CREBRF: variants seen among roughly 807,000 people sequenced by gnomAD.
CREBRF encodes the protein CREB3 regulatory factor.
A neutral mutation model predicts 66.1 loss-of-function variants in CREBRF; 5 were observed. The ratio of observed to expected loss-of-function variants is 0.08; its 90% CI spans 0.04 to 0.16. CREBRF has a LOEUF of 0.16. Among genes scored for constraint, CREBRF ranks in the 10% least tolerant of loss-of-function variants. CREBRF has a pLI of 1.00. For synonymous variants in CREBRF, 229 were observed against 264.4 expected (o/e 0.87, Z 1.30); for missense variants, 531 against 744.9 (o/e 0.71, Z 3.34).
At chr5:173,115,955 G>A (rs375606227) in intron 7 of CREBRF, among the ~76,000 whole-genome samples, 84 of 152,298 alleles carry the variant, frequency 5.5e-4, no homozygotes, top group African/African-American at 1.9e-3. Flanking sequence ...CTCTTCAACT[G>A]CAGTTTAGAT....
Position 173,091,196 on chromosome 5 carries a change from T to C in CREBRF, c.1017T>C (p.Leu339=), listed in dbSNP as rs1561804628. Residue 339 remains leucine, a synonymous_variant, in exon 4 of 9, where the codon CTT becomes CTC. Coordinates refer to ENST00000296953, the MANE Select transcript of CREBRF (RefSeq NM_153607.3). The stretch of plus-strand genomic sequence containing the variant: ...AAAAAGAAGAGCACAATTATTCTCT[T>C]TTTGTCTCCGACAACTTGGGTGAAC... ...SQKKEEHNYS[L]FVSDNLGEQP... is the part of the protein sequence containing the mutation. The C allele has an allele frequency of 6.2e-7, 1 of 1,614,070 alleles. No individual in the cohort carries two copies. The highest frequency in any genetic ancestry group is 1.7e-5 in the Admixed American group (1 of 59,982).
At chr5:173,120,407 TCTCA>T (rs1435591281) in intron 7 of CREBRF, among the ~76,000 whole-genome samples, 1 of 151,444 alleles carries the variant, frequency 6.6e-6, no homozygotes, top group Non-Finnish European at 1.5e-5. Context: ...TGAGACAGTA[TCTCA>T]CTCTGTTGCT....
intron 1 of CREBRF, among the ~76,000 whole-genome samples, chr5:173,069,718 A>G (rs1272776586): frequency 2.0e-5 from 3 of 152,148 alleles, no homozygotes; most frequent in African/African-American, 7.2e-5. Flanking sequence ...CCAAAGTGGC[A>G]CCGAGCTTTT....
chr5:173,103,482 A>G (rs1424543412), intron 4 of CREBRF, among the ~76,000 whole-genome samples: 2 of 152,230 alleles, frequency 1.3e-5, no homozygotes, highest in African/African-American at 2.4e-5. Context: ...CAAAAGAGTA[A>G]GGATAGCTAT....
rs892118914 is a variant in CREBRF, at chr5:173,108,712, T to C, written c.1311T>C (p.Tyr437=). 6.2e-6 allele frequency: 10 copies of C among 1,613,982 alleles called. No individual in the cohort carries two copies. Among genetic ancestry groups the C allele is most frequent in the Non-Finnish European group, 8.5e-6 (10 of 1,179,998 alleles). Residue 437 remains tyrosine (Y), a synonymous_variant, in exon 5 of 9, where the codon TAT becomes TAC. Coordinates refer to ENST00000296953, the MANE Select transcript of CREBRF (RefSeq NM_153607.3). ...KRGKRRYFWE[Y]SEQLTPSQQE... Reference sequence around the variant, plus strand: ...GTAAAAGAAGATACTTCTGGGAGTATAGTGAACAACTTACACCATCACAGC... The same window carrying C: ...GTAAAAGAAGATACTTCTGGGAGTACAGTGAACAACTTACACCATCACAGC...
chr5:173,108,608 G>C lies in CREBRF; in HGVS notation c.1223-16G>C, dbSNP rs766434353. The C allele has an allele frequency of 6.3e-7, 1 of 1,593,540 alleles. No homozygotes were observed. The highest frequency in any genetic ancestry group is 1.2e-5 in the South Asian group (1 of 86,030). ...GAAATTTATGGAGCTTAAAAATTGC[G>C]GGACCTTTTTTTAAGGCTATGAAAA... On this transcript the variant is annotated splice_polypyrimidine_tract_variant and intron_variant, in intron 4 of 8. Coordinates refer to ENST00000296953, the MANE Select transcript of CREBRF (RefSeq NM_153607.3).
At chr5:173,091,438 T>C (rs1377370854) in intron 4 of CREBRF, 37 bp downstream of exon 4, 13 of 1,575,550 alleles carry the variant, frequency 8.3e-6, no homozygotes, top group Non-Finnish European at 1.0e-5. Flanking sequence ...GACTGACCTT[T>C]GTATTACTAT....
chr5:173,125,708 CA>C (rs11331684), intron 8 of CREBRF, among the ~76,000 whole-genome samples: 73,888 of 151,502 alleles, frequency 0.49, 19,126 homozygotes, highest in Non-Finnish European at 0.58. Flanking sequence ...ACTAAAAATA[CA>C]AAAAAAAAGC....
At chr5:173,112,465 G>A (rs969779866) in intron 7 of CREBRF, 86 bp downstream of exon 7, 18 of 930,790 alleles carry the variant, frequency 1.9e-5, no homozygotes, top group Non-Finnish European at 2.6e-5. Flanking sequence ...ATTTGCTTTC[G>A]CTGTATTCTG....
intron 4 of CREBRF, among the ~76,000 whole-genome samples, chr5:173,095,914 A>G (rs1030483327): frequency 6.6e-6 from 1 of 151,378 alleles, no homozygotes; most frequent in African/African-American, 2.4e-5. Flanking sequence ...TTGAATAATG[A>G]TTTTGTATCC....
chr5:173,098,311 T>C (rs1223776705), intron 4 of CREBRF, among the ~76,000 whole-genome samples: 2 of 151,914 alleles, frequency 1.3e-5, no homozygotes, highest in Non-Finnish European at 2.9e-5. Context: ...CTCAGCCTCC[T>C]GAGTAGCTGG....
intron 4 of CREBRF, among the ~76,000 whole-genome samples, chr5:173,099,659 G>T (rs908760855): frequency 1.3e-5 from 2 of 151,810 alleles, no homozygotes; most frequent in Non-Finnish European, 2.9e-5. Flanking sequence ...TGATTTGCTG[G>T]TTTTTTGTAG....
At position 173,133,878 on chromosome 5, in the gene CREBRF, AAGT is replaced by A; in HGVS notation, c.*136_*138del. ...ATTAGGTTACATTGTTTTAAGAACTAAGTAGCATAAGTGAAGCATGATCCAAAA... is the reference window on the plus strand; with the variant it reads ...ATTAGGTTACATTGTTTTAAGAACTAAGCATAAGTGAAGCATGATCCAAAA... On this transcript the variant is annotated 3_prime_UTR_variant, in exon 9 of 9. Coordinates refer to ENST00000296953, the MANE Select transcript of CREBRF (RefSeq NM_153607.3). The A allele has an allele frequency of 1.9e-6, 1 of 523,184 alleles. No individual in the cohort carries two copies. Among genetic ancestry groups the A allele is most frequent in the South Asian group, 2.7e-5 (1 of 36,526 alleles). 32.4% of individuals were successfully genotyped at this position (523,184 alleles called of 1,614,324 possible).
At chr5:173,112,736 A>G (rs1370042075) in intron 7 of CREBRF, among the ~76,000 whole-genome samples, 1 of 152,182 alleles carries the variant, frequency 6.6e-6, no homozygotes, top group Admixed American at 6.5e-5. Context: ...GATCACAATA[A>G]TTTCTTCTAT....
intron 2 of CREBRF, among the ~76,000 whole-genome samples, chr5:173,081,627 A>G (rs1165610405): frequency 6.6e-6 from 1 of 152,120 alleles, no homozygotes; most frequent in Non-Finnish European, 1.5e-5. Flanking sequence ...TAGATATTGA[A>G]AAGACCAGCG....
At chr5:173,074,319 G>GCTT (rs1397616977) in intron 1 of CREBRF, among the ~76,000 whole-genome samples, 3 of 148,070 alleles carry the variant, frequency 2.0e-5, no homozygotes, top group African/African-American at 7.4e-5. Context: ...AAAAAAAAAG[G>GCTT]CTTCTTCCTT....
At chr5:173,092,373 G>C (rs1045554256) in intron 4 of CREBRF, 7 of 985,322 alleles carry the variant, frequency 7.1e-6, no homozygotes, top group Non-Finnish European at 8.4e-6. Flanking sequence ...TAAATAAAAG[G>C]GACAAAGAAA....
chr5:173,134,460 C>A lies in CREBRF; in HGVS notation c.*715C>A. The A allele has an allele frequency of 4.4e-6, 1 of 227,398 alleles. No homozygotes were observed. Among genetic ancestry groups the A allele is most frequent in the Non-Finnish European group, 9.0e-6 (1 of 111,360 alleles). 14.1% of individuals were successfully genotyped at this position (227,398 alleles called of 1,614,324 possible). On this transcript the variant is annotated 3_prime_UTR_variant, in exon 9 of 9. Transcript: ENST00000296953. ...TATGGGGTTTAAATGTTTTTTTGTT[C>A]CAACTCTTTTTCAGATTTTTTGAAT...
chr5:173,108,492 T>G, intron 4 of CREBRF, 132 bp from the exon 5 acceptor site: 1 of 728,258 alleles, frequency 1.4e-6, no homozygotes, highest in Non-Finnish European at 2.3e-6. Flanking sequence ...TGGTTTATTA[T>G]CTTTGACATG....
Sources: gnomAD v4.1 joint callset for allele counts (sites outside exome capture counted in the v4.1 genomes callset) on GRCh38, gnomAD v4.1.1 for gene constraint, MANE v1.5 for transcripts, NCBI Gene and HGNC (gene_info 2026-07-23, HGNC 2026-07-21) for gene names.